The following NOP9 variants were observed in gnomAD, a reference collection of about 807,000 sequenced individuals.
NOP9 encodes nucleolar protein 9.
In NOP9, 50 loss-of-function variants were observed where a neutral mutation model predicts 63.0. The observed-to-expected ratio is 0.79, with a 90% CI of 0.63 to 1.00. The LOEUF (loss-of-function observed/expected upper bound fraction) is 1.00. Among genes scored for constraint, NOP9 ranks in the 50% least tolerant of loss-of-function variants. NOP9 has a pLI of 0.00. For missense variants in NOP9, 758 were observed against 803.0 expected (o/e 0.94, Z 0.68); for synonymous variants, 343 against 332.8 (o/e 1.03, Z -0.33).
the NOP9 span, among the ~76,000 whole-genome samples, chr14:24,275,322 A>C: frequency 6.6e-6 from 1 of 152,214 alleles, no homozygotes; most frequent in African/African-American, 2.4e-5. Flanking sequence ...TATTTACTGC[A>C]CTCACTACCT....
In NOP9 at chr14:24,303,150, C is replaced by T. The variant is rs1445228663; in HGVS notation, c.1220C>T (p.Ala407Val). The T allele has an allele frequency of 2.5e-6, 4 of 1,613,484 alleles. No homozygotes were observed. Among genetic ancestry groups the T allele is most frequent in the Non-Finnish European group, 3.4e-6 (4 of 1,179,780 alleles). Residue 407 changes from alanine (A) to valine (V), a missense_variant, in exon 6 of 10, where the codon GCC (alanine) becomes GTC (valine). By Grantham distance (64) the Ala-to-Val change is moderately conservative (BLOSUM62 0). Coordinates refer to ENST00000267425, the MANE Select transcript of NOP9 (RefSeq NM_174913.3). ...LAQGHPGVVI[A>V]LVGACRRVGA... Reference sequence around the variant, plus strand: ...CAGGGCCACCCAGGGGTAGTCATTGCCCTGGTGGGGGCCTGTCGCAGAGTT... The same window carrying T: ...CAGGGCCACCCAGGGGTAGTCATTGTCCTGGTGGGGGCCTGTCGCAGAGTT...
the NOP9 span, chr14:24,293,479 C>T: frequency 6.6e-6 from 1 of 152,132 alleles, no homozygotes; most frequent in Non-Finnish European, 1.5e-5. Context: ...GAGCCTGAGG[C>T]AGGAGGATCT....
rs2139130974 is a variant in NOP9 at position 24,304,187 on chromosome 14, A to C, written c.1557A>C (p.Gln519His). Residue 519 changes from glutamine to histidine, a missense_variant, in exon 8 of 10, where the codon CAA (glutamine) becomes CAC (histidine). Transcript: ENST00000267425. ...GACCACAGCTTCTGTCCCTTGCCCA[A>C]AGTCCCGCTGGCTCTCATGTGCTCG... ...LTGPQLLSLA[Q>H]SPAGSHVLDA... 1 of 1,614,206 alleles carries C rather than the reference A, an allele frequency of 6.2e-7. No individual in the cohort carries two copies. The highest frequency in any genetic ancestry group is 1.7e-5 in the Admixed American group (1 of 60,034).
At chr14:24,291,173 G>T in the NOP9 span, 9 of 1,614,182 alleles carry the variant, frequency 5.6e-6, no homozygotes, top group Non-Finnish European at 7.6e-6. Flanking sequence ...GTCGAGCAAG[G>T]TCACAGGATG....
At chr14:24,298,054 A>T (rs550521868), upstream of NOP9, among the ~76,000 whole-genome samples, 21 of 148,432 alleles carry the variant, frequency 1.4e-4, no homozygotes, top group South Asian at 2.1e-4. Flanking sequence ...TTTAATTAAA[A>T]TTTTTTTTTT....
the NOP9 span, among the ~76,000 whole-genome samples, chr14:24,282,544 T>A: frequency 7.0e-3 from 1,064 of 152,324 alleles, 9 homozygotes; most frequent in African/African-American, 0.024. Context: ...TCCCTCTTGC[T>A]TGAGGCCCTC....
In NOP9 at chr14:24,302,998, C is replaced by T. The variant is rs373638907; in HGVS notation, c.1144-76C>T. 2.5e-4 allele frequency: 367 copies of T among 1,443,746 alleles called. 1 individual carries two copies. The African/African-American group carries it at 4.9e-3, about 19-fold the overall frequency. 89.4% of individuals were successfully genotyped at this position (1,443,746 alleles called of 1,614,324 possible). On this transcript the variant is annotated intron_variant, in intron 5 of 9. Transcript: ENST00000267425. The stretch of plus-strand genomic sequence containing the variant: ...TTTATCTAGCATTTTTAGTTGTTTT[C>T]GTTGGGAAGATTTCTCTGAATAATG...
chr14:24,284,855 C>T, the NOP9 span, among the ~76,000 whole-genome samples: 2 of 152,090 alleles, frequency 1.3e-5, no homozygotes, highest in Non-Finnish European at 2.9e-5. Context: ...CGTGTGTGCT[C>T]CTCACTCTCT....
At chr14:24,278,536 G>T in the NOP9 span, among the ~76,000 whole-genome samples, 618 of 152,236 alleles carry the variant, frequency 4.1e-3, no homozygotes, top group African/African-American at 0.014. Flanking sequence ...GAGATTGTTG[G>T]GCCAGATTTG....
chr14:24,271,380 C>G, the NOP9 span: 1 of 377,754 alleles, frequency 2.6e-6, no homozygotes, highest in Non-Finnish European at 4.7e-6. Flanking sequence ...GGCCAGAGCG[C>G]GAGCCGGGGC....
the NOP9 span, chr14:24,292,062 C>T: frequency 8.2e-7 from 1 of 1,214,466 alleles, no homozygotes; most frequent in South Asian, 1.3e-5. Context: ...AATGTGTGTC[C>T]CATGCTCAGC....
At position 24,304,323 on chromosome 14, in the gene NOP9, A is replaced by C. The variant is rs1463904122; in HGVS notation, c.1647+46A>C. 3 of 1,505,746 alleles carry C rather than the reference A, an allele frequency of 2.0e-6. No homozygotes were observed. In the East Asian group the frequency reaches 6.8e-5, roughly 34 times the overall value. The allele number at this position is 1,505,746 out of a possible 1,614,324, so 93.3% of individuals were successfully genotyped here. Reference sequence around the variant, plus strand: ...CTTGATTCCCCACCATCATCCATTTAGAGAATATGAGCTTTCCCTGGACTG... The same window carrying C: ...CTTGATTCCCCACCATCATCCATTTCGAGAATATGAGCTTTCCCTGGACTG... On this transcript the variant is annotated intron_variant, in intron 8 of 9. Transcript: ENST00000267425.
chr14:24,296,231 TCCTC>T (rs2041245105), upstream of NOP9, among the ~76,000 whole-genome samples: 1 of 152,176 alleles, frequency 6.6e-6, no homozygotes, highest in African/African-American at 2.4e-5. Context: ...GGAGGAGGCT[TCCTC>T]CCTTCTGGGT....
chr14:24,285,944 A>T, the NOP9 span, among the ~76,000 whole-genome samples: 2 of 151,950 alleles, frequency 1.3e-5, no homozygotes, highest in East Asian at 1.9e-4. Flanking sequence ...AGCCAAGATC[A>T]TGCCACTGCA....
In NOP9 at chr14:24,305,766, C is replaced by G. The variant is rs755893059; in HGVS notation, c.*671C>G. On this transcript the variant is annotated 3_prime_UTR_variant, in exon 10 of 10. Transcript: ENST00000267425. The stretch of plus-strand genomic sequence containing the variant: ...TGTGGAGGTCCAACGAAGGAGCTCC[C>G]TGAATGGCAGAGACAAGAGGAAATC... 17 of 1,613,016 alleles carry G rather than the reference C, an allele frequency of 1.1e-5. No homozygotes were observed. The South Asian group carries it at 1.2e-4, about 11-fold the overall frequency.
the NOP9 span, among the ~76,000 whole-genome samples, chr14:24,282,278 T>C: frequency 6.6e-6 from 1 of 152,224 alleles, no homozygotes; most frequent in East Asian, 1.9e-4. Flanking sequence ...GTTATACAGA[T>C]TTGGTCGAAT....
the NOP9 span, chr14:24,291,148 C>T: frequency 6.2e-7 from 1 of 1,614,150 alleles, no homozygotes; most frequent in Non-Finnish European, 8.5e-7. Flanking sequence ...CCGTCCACAT[C>T]CCGAAGGCCA....
At chr14:24,278,788 C>T in the NOP9 span, among the ~76,000 whole-genome samples, 2 of 152,212 alleles carry the variant, frequency 1.3e-5, no homozygotes, top group African/African-American at 2.4e-5. Flanking sequence ...AGGCCCCAGA[C>T]TCTGTGAGAG....
In NOP9 at chr14:24,307,615, G is replaced by T. The variant is rs2041558027; in HGVS notation, c.*2520G>T. ...GTGGCTAGAGGGCTAGGGAGGGAGA[G>T]ATCTAGGTTTATCGATTAGGGATGA... On this transcript the variant is annotated 3_prime_UTR_variant, in exon 10 of 10. Transcript: ENST00000267425. 7.4e-7 allele frequency: 1 copy of T among 1,349,366 alleles called. No individual in the cohort carries two copies. Among genetic ancestry groups the T allele is most frequent in the Non-Finnish European group, 1.0e-6 (1 of 965,430 alleles). 83.6% of individuals were successfully genotyped at this position (1,349,366 alleles called of 1,614,324 possible). A position where few individuals can be genotyped will look rare whatever the true frequency, so the allele number is the denominator to read the frequency against.
Sources: gnomAD v4.1 joint callset for allele counts (sites outside exome capture counted in the v4.1 genomes callset) on GRCh38, gnomAD v4.1.1 for gene constraint, MANE v1.5 for transcripts, NCBI Gene and HGNC (gene_info 2026-07-23, HGNC 2026-07-21) for gene names.